The following RUFY4 variants were observed in gnomAD, a reference collection of about 807,000 sequenced individuals.
The protein encoded by RUFY4 is RUN and FYVE domain containing 4.
In RUFY4, 73 loss-of-function variants were observed where a neutral mutation model predicts 69.0. The observed-to-expected ratio is 1.06, with a 90% CI of 0.88 to 1.29. RUFY4 has a LOEUF of 1.29. RUFY4 is among the 50% of genes most tolerant of loss of function. RUFY4 has a pLI of 0.00. For synonymous variants in RUFY4, 287 were observed against 271.8 expected (o/e 1.06, Z -0.55); for missense variants, 770 against 705.6 (o/e 1.09, Z -1.03).
exon 7 of RUFY4, chr2:218,075,314 G>T: frequency 6.2e-7 from 1 of 1,608,350 alleles, no homozygotes. Context: ...AGGAGCTTCA[G>T]CTAGACCAGG....
At chr2:218,045,582 C>G (rs1038378203) in intron 2 of RUFY4, among the ~76,000 whole-genome samples, 1 of 152,042 alleles carries the variant, frequency 6.6e-6, no homozygotes, top group Admixed American at 6.5e-5. Context: ...TCATTCTCAT[C>G]AGTTAATTTA....
At chr2:218,070,381 C>T, upstream of RUFY4, 2 of 603,842 alleles carry the variant, frequency 3.3e-6, no homozygotes, top group South Asian at 3.7e-5. Context: ...CCAGGGACTG[C>T]TCAATCGGTG....
chr2:218,055,745 G>A (rs892229315), intron 2 of RUFY4, among the ~76,000 whole-genome samples: 3 of 152,136 alleles, frequency 2.0e-5, no homozygotes, highest in African/African-American at 7.2e-5. Flanking sequence ...CATGCCTGAT[G>A]TATGGGTCCA....
chr2:218,067,679 T>C (rs114636184), upstream of RUFY4, among the ~76,000 whole-genome samples: 513 of 152,266 alleles, frequency 3.4e-3, 2 homozygotes, highest in African/African-American at 0.011. Context: ...GCTCATCTGA[T>C]GCAGATAGAC....
At chr2:218,060,055 T>G (rs140205356) in intron 3 of RUFY4, 27 of 263,806 alleles carry the variant, frequency 1.0e-4, no homozygotes, top group Non-Finnish European at 1.5e-4. Context: ...CTCACTGGAG[T>G]GTAGATTTTC....
upstream of RUFY4, chr2:218,069,563 G>C (rs1442017907): frequency 1.3e-5 from 2 of 152,308 alleles, no homozygotes; most frequent in Non-Finnish European, 2.9e-5. Flanking sequence ...AGGAAGGTGA[G>C]TGATTTGCCG....
At chr2:218,048,143 G>A (rs944002925) in intron 2 of RUFY4, among the ~76,000 whole-genome samples, 3 of 151,888 alleles carry the variant, frequency 2.0e-5, no homozygotes, top group Admixed American at 2.0e-4. Flanking sequence ...TGTCTTTTTT[G>A]GTCTAAAGTG....
chr2:218,075,377 C>G (rs1417947859), exon 7 of RUFY4: 2 of 1,613,036 alleles, frequency 1.2e-6, no homozygotes, highest in Non-Finnish European at 1.7e-6. Context: ...CACCCAGCAC[C>G]CAGGGACAGG....
intron 3 of RUFY4, among the ~76,000 whole-genome samples, chr2:218,064,218 C>T (rs1167521939): frequency 6.6e-6 from 1 of 152,168 alleles, no homozygotes; most frequent in Non-Finnish European, 1.5e-5. Context: ...GCCAGAAGGG[C>T]TCAAGGCCAG....
At chr2:218,042,009 T>C (rs1688708493) in intron 2 of RUFY4, among the ~76,000 whole-genome samples, 1 of 152,212 alleles carries the variant, frequency 6.6e-6, no homozygotes, top group Admixed American at 6.5e-5. Flanking sequence ...TAAAATCACA[T>C]AGTCAGCACT....
At chr2:218,066,953 T>C (rs1039665737), upstream of RUFY4, among the ~76,000 whole-genome samples, 14 of 152,276 alleles carry the variant, frequency 9.2e-5, no homozygotes, top group Non-Finnish European at 1.9e-4. Context: ...AGGATACCGA[T>C]ACACCTGTGT....
chr2:218,083,089 T>C, intron 8 of RUFY4, 21 bp from the exon 11 acceptor site: 1 of 1,600,356 alleles, frequency 6.2e-7, no homozygotes, highest in African/African-American at 1.4e-5. Flanking sequence ...CCTGAGAACC[T>C]AGTCTTCCTT....
intron 2 of RUFY4, among the ~76,000 whole-genome samples, chr2:218,039,820 G>C (rs1041355550): frequency 6.6e-6 from 1 of 152,208 alleles, no homozygotes. Flanking sequence ...ATTGGCACTG[G>C]TTGTGCAAAA....
chr2:218,055,747 A>G (rs576921164), intron 2 of RUFY4, among the ~76,000 whole-genome samples: 1 of 152,308 alleles, frequency 6.6e-6, no homozygotes, highest in African/African-American at 2.4e-5. Flanking sequence ...TGCCTGATGT[A>G]TGGGTCCACC....
intron 8 of RUFY4, among the ~76,000 whole-genome samples, chr2:218,079,173 G>A (rs983103582): frequency 1.3e-5 from 2 of 152,150 alleles, no homozygotes; most frequent in Non-Finnish European, 2.9e-5. Context: ...CCGGCTTGAT[G>A]TGCGTTTTAA....
At chr2:218,084,567 G>A (rs1278770913) in intron 9 of RUFY4, among the ~76,000 whole-genome samples, 1 of 152,034 alleles carries the variant, frequency 6.6e-6, no homozygotes, top group African/African-American at 2.4e-5. Context: ...TATTAAGGGT[G>A]AGAAAAAGGA....
chr2:218,039,184 T>C lies in RUFY4; in HGVS notation c.-1158+3790T>C, dbSNP rs966901959. Among the ~76,000 whole-genome samples, 40 of 152,196 alleles carry C rather than the reference T, an allele frequency of 2.6e-4. 1 individual carries two copies. Among genetic ancestry groups the C allele is most frequent in the Non-Finnish European group, 1.5e-5 (1 of 68,036 alleles). On this transcript the variant is annotated intron_variant and NMD_transcript_variant, in intron 2 of 13. Transcript: ENST00000457754. ...ACCCAGCAGGAGAGTATGATCTACC[T>C]TTAAAAATAGGCTTGCCAGTGGCAG...
intron 2 of RUFY4, among the ~76,000 whole-genome samples, chr2:218,058,016 T>A (rs540537396): frequency 6.6e-6 from 1 of 152,304 alleles, no homozygotes; most frequent in East Asian, 1.9e-4. Context: ...GTAGGATAGG[T>A]TTGTAGTAGT....
chr2:218,056,171 G>C (rs1256593590), intron 2 of RUFY4, among the ~76,000 whole-genome samples: 1 of 151,646 alleles, frequency 6.6e-6, no homozygotes, highest in African/African-American at 2.4e-5. Flanking sequence ...CTTGAGGCTT[G>C]GGCTTTTGGT....
Sources: gnomAD v4.1 joint callset for allele counts (sites outside exome capture counted in the v4.1 genomes callset) on GRCh38, gnomAD v4.1.1 for gene constraint, MANE v1.5 for transcripts, NCBI Gene and HGNC (gene_info 2026-07-23, HGNC 2026-07-21) for gene names.